The following ACADS variants were observed in gnomAD, a reference collection of about 807,000 sequenced individuals.
The protein encoded by ACADS is short-chain specific acyl-CoA dehydrogenase, mitochondrial.
ACADS carries 28 observed loss-of-function variants against 46.8 expected under a neutral mutation model. That is an observed-to-expected ratio of 0.60 (90% CI 0.44 to 0.82). The LOEUF is 0.82. ACADS is among the 40% of genes least tolerant of loss of function. The pLI is 0.00. For missense variants in ACADS, 528 were observed against 578.0 expected, an observed-to-expected ratio of 0.91 and a Z score of 0.89; for synonymous variants, 236 against 237.7, an observed-to-expected ratio of 0.99 and a Z score of 0.07.
chr12:120,737,554 C>T (rs939548374), intron 4 of ACADS, 87 bp downstream of exon 4: 27 of 1,296,428 alleles, frequency 2.1e-5, no homozygotes, highest in South Asian at 1.2e-4. Flanking sequence ...CCCACTGCTT[C>T]GGAGGCCAGA....
At chr12:120,729,625 G>A (rs889605508) in intron 2 of ACADS, among the ~76,000 whole-genome samples, 2 of 151,846 alleles carry the variant, frequency 1.3e-5, no homozygotes, top group Admixed American at 6.6e-5. Flanking sequence ...TCCTTCCCTC[G>A]GTGCTGGTCT....
intron 5 of ACADS, 27 bp from the exon 6 acceptor site, chr12:120,738,253 G>A: frequency 6.2e-7 from 1 of 1,613,832 alleles, no homozygotes. Context: ...GGGCAGCTCT[G>A]AGAAAACCAC....
chr12:120,737,535 G>A, intron 4 of ACADS, 68 bp downstream of exon 4: 1 of 1,424,570 alleles, frequency 7.0e-7, no homozygotes, highest in South Asian at 1.2e-5. Flanking sequence ...GAAGGTGCTA[G>A]GCCAACTGCC....
chr12:120,734,918 G>T (rs2136946249), intron 2 of ACADS, among the ~76,000 whole-genome samples: 2 of 151,042 alleles, frequency 1.3e-5, no homozygotes, highest in East Asian at 4.0e-4. Flanking sequence ...TGCCTGGCTA[G>T]TTTTTATATT....
chr12:120,727,292 C>A, intron 2 of ACADS, 103 bp downstream of exon 2: 3 of 1,490,546 alleles, frequency 2.0e-6, no homozygotes, highest in Admixed American at 1.7e-5. Flanking sequence ...GTAGAGGAAC[C>A]CCAAAGCAGG....
chr12:120,732,090 C>CAA (rs921167859), intron 2 of ACADS, among the ~76,000 whole-genome samples: 5 of 152,400 alleles, frequency 3.3e-5, no homozygotes, highest in Admixed American at 3.3e-4. Flanking sequence ...CCACCTTTCC[C>CAA]CCTTTTCTAT....
intron 1 of ACADS, 41 bp from the exon 2 acceptor site, chr12:120,726,985 T>G: frequency 6.2e-7 from 1 of 1,612,252 alleles, no homozygotes; most frequent in Non-Finnish European, 8.5e-7. Flanking sequence ...CTTGGAGACC[T>G]CCTGCCTCCT....
In ACADS at chr12:120,737,960, C is replaced by G; in HGVS notation, c.596C>G (p.Ala199Gly). 1 of 1,614,078 alleles carries G rather than the reference C, an allele frequency of 6.2e-7. No homozygotes were observed. The highest frequency in any genetic ancestry group is 1.3e-5 in the African/African-American group (1 of 75,042). Reference sequence around the variant, plus strand: ...GAGGCTTCGGCTGCCGTGGTCTTTGCCAGCACGGACAGAGCCCTGCAAAAC... The same window carrying G: ...GAGGCTTCGGCTGCCGTGGTCTTTGGCAGCACGGACAGAGCCCTGCAAAAC... Reference protein sequence around the residue: ...AWEASAAVVFASTDRALQNKG... With the variant: ...AWEASAAVVFGSTDRALQNKG... Residue 199 changes from alanine (A) to glycine (G), a missense_variant, in exon 5 of 10, where the codon GCC (alanine) becomes GGC (glycine). Physicochemically the swap from Ala to Gly is moderately conservative, Grantham distance 60. Coordinates refer to ENST00000242592, the MANE Select transcript of ACADS (RefSeq NM_000017.4).
At chr12:120,726,190 C>T (rs1883078829) in intron 1 of ACADS, among the ~76,000 whole-genome samples, 1 of 151,746 alleles carries the variant, frequency 6.6e-6, no homozygotes, top group Non-Finnish European at 1.5e-5. Flanking sequence ...ATCTCCCTCC[C>T]TTCATTTCAC....
chr12:120,732,817 G>T (rs1160290205), intron 2 of ACADS, among the ~76,000 whole-genome samples: 3 of 152,254 alleles, frequency 2.0e-5, no homozygotes, highest in Non-Finnish European at 4.4e-5. Flanking sequence ...TCCCAGACGG[G>T]GTGGCGGCCG....
rs555710563 is a variant in ACADS, at chr12:120,738,202, C to T, written c.625-78C>T. 27 of 1,606,944 alleles carry T rather than the reference C, an allele frequency of 1.7e-5. 1 individual carries two copies. Among genetic ancestry groups the T allele is most frequent in the African/African-American group, 4.0e-5 (3 of 74,674 alleles). On this transcript the variant is annotated intron_variant, in intron 5 of 9. Coordinates refer to ENST00000242592, the MANE Select transcript of ACADS (RefSeq NM_000017.4). ...CTTCTGAGGGAGGTGGGGAGGGGAC[C>T]GGGTTGGTGTTGGGTGTGCTGGTGT...
chr12:120,737,347 T>G lies in ACADS; in HGVS notation c.361-9T>G. On this transcript the variant is annotated splice_polypyrimidine_tract_variant and intron_variant, in intron 3 of 9. Coordinates refer to ENST00000242592, the MANE Select transcript of ACADS (RefSeq NM_000017.4). ...TGGGGCCTCCGACCGCTCCCCGCTGTCCTCCTAGTCTCTCTACCTGGGGCC... is the reference window on the plus strand; with the variant it reads ...TGGGGCCTCCGACCGCTCCCCGCTGGCCTCCTAGTCTCTCTACCTGGGGCC... The G allele has an allele frequency of 1.2e-6, 2 of 1,613,248 alleles. No homozygotes were observed. Among genetic ancestry groups the G allele is most frequent in the Non-Finnish European group, 1.7e-6 (2 of 1,179,602 alleles).
rs561649047 is a variant in ACADS at position 120,739,513 on chromosome 12, C to T, written c.*65C>T. ...GAGCCAGGGGCCTCCACCCCAACCC[C>T]GGCTCAGAGACTGGGCGGCCCGGCG... On this transcript the variant is annotated 3_prime_UTR_variant, in exon 10 of 10. Transcript: ENST00000242592. The T allele has an allele frequency of 8.3e-5, 130 of 1,573,042 alleles. 1 individual carries two copies. The East Asian group carries it at 2.6e-3, about 31-fold the overall frequency.
chr12:120,738,147 A>T lies in ACADS; in HGVS notation c.625-133A>T, dbSNP rs1359518284. 23 of 1,569,176 alleles carry T rather than the reference A, an allele frequency of 1.5e-5. No individual in the cohort carries two copies. Among genetic ancestry groups the T allele is most frequent in the Non-Finnish European group, 2.0e-5 (23 of 1,158,986 alleles). On this transcript the variant is annotated intron_variant, in intron 5 of 9. Coordinates refer to ENST00000242592, the MANE Select transcript of ACADS (RefSeq NM_000017.4). ...TGCCACTGAAGCCTGCACCTTCCCCAGAAGCCGGCAGAGGGTGTCAAGGCC... is the reference window on the plus strand; with the variant it reads ...TGCCACTGAAGCCTGCACCTTCCCCTGAAGCCGGCAGAGGGTGTCAAGGCC...
chr12:120,733,636 C>T lies in ACADS; in HGVS notation c.211-3350C>T, dbSNP rs1255963826. Among the ~76,000 whole-genome samples the T allele has an allele frequency of 2.6e-5, 4 of 151,192 alleles. 1 individual carries two copies. The highest frequency in any genetic ancestry group is 9.7e-5 in the African/African-American group (4 of 41,090). ...TGCCTATTCTGAGCAGGACCCCCCT[C>T]CCCAGGTGTGTGGCGGCCACAGAAC... On this transcript the variant is annotated intron_variant, in intron 2 of 9. Transcript: ENST00000242592.
rs369167716 is a variant in ACADS, at chr12:120,737,942, C to A, written c.578C>A (p.Ser193Ter). The change falls in exon 5 of 10, where the codon TCG (serine) becomes TAG (stop). Residue 193 changes from serine (S) to a stop codon, truncating the protein, a stop_gained. Transcript: ENST00000242592. LOFTEE classifies it high-confidence loss of function. ...KAWITNAWEA[S>*]AAVVFASTDR... ...TGGATCACCAATGCCTGGGAGGCTT[C>A]GGCTGCCGTGGTCTTTGCCAGCACG... 2 of 1,614,124 alleles carry A rather than the reference C, an allele frequency of 1.2e-6. No individual in the cohort carries two copies. Among genetic ancestry groups the A allele is most frequent in the Non-Finnish European group, 8.5e-7 (1 of 1,180,030 alleles).
chr12:120,737,150 A>G lies in ACADS; in HGVS notation c.360+15A>G, dbSNP rs770784767. 116 of 1,569,506 alleles carry G rather than the reference A, an allele frequency of 7.4e-5. No homozygotes were observed. In the African/African-American group the frequency reaches 1.5e-3, roughly 20 times the overall value. On this transcript the variant is annotated intron_variant, in intron 3 of 9. Coordinates refer to ENST00000242592, the MANE Select transcript of ACADS (RefSeq NM_000017.4). ...GTGTCAACAACGTGAGCCCCCTCCC[A>G]GGCCCCTGGGACACACGGGTGGAGG... is the stretch of plus-strand genomic sequence containing the variant.
Position 120,728,055 on chromosome 12 carries a change from T to C in ACADS, c.210+866T>C, listed in dbSNP as rs2136940178. 6.6e-6 allele frequency among the ~76,000 whole-genome samples: 1 copy of C among 152,016 alleles called. No homozygotes were observed. Among genetic ancestry groups the C allele is most frequent in the South Asian group, 2.1e-4 (1 of 4,814 alleles). ...CCTCTGCCTCCTGGGTTCAAGCAAT[T>C]CTCCTGCCTCGGCCCCCAGTAGCTG... On this transcript the variant is annotated intron_variant, in intron 2 of 9. Transcript: ENST00000242592. This position sits in a 1 kb window ranked among gnomAD's most constrained non-coding sequence, Gnocchi z 4.0.
chr12:120,733,828 CAT>C (rs1883348401), intron 2 of ACADS, among the ~76,000 whole-genome samples: 1 of 132,830 alleles, frequency 7.5e-6, no homozygotes, highest in Admixed American at 8.0e-5. Flanking sequence ...GCCTGGGCAA[CAT>C]AGCAAGACCC....
Sources: gnomAD v4.1 joint callset for allele counts (sites outside exome capture counted in the v4.1 genomes callset) on GRCh38, gnomAD v4.1.1 for gene constraint, Gnocchi (gnomAD v3.1) non-coding constraint, MANE v1.5 for transcripts, NCBI Gene and HGNC (gene_info 2026-07-23, HGNC 2026-07-21) for gene names.